The following ANKS1B variants were observed in gnomAD, a reference collection of about 807,000 sequenced individuals.
ANKS1B encodes the protein ankyrin repeat and sterile alpha motif domain containing 1B.
A neutral mutation model predicts 148.3 loss-of-function variants in ANKS1B; 36 were observed. That is an observed-to-expected ratio of 0.24 (90% confidence interval 0.19 to 0.32). The LOEUF (loss-of-function observed/expected upper bound fraction) is 0.32, where lower values mean the gene tolerates loss of function less well. Ranked by LOEUF, ANKS1B falls within the 10% of genes least tolerant of loss-of-function variation. ANKS1B has a pLI of 1.00. For synonymous variants in ANKS1B, 542 were observed against 560.8 expected, an observed-to-expected ratio of 0.97 and a Z score of 0.47; for missense variants, 1,157 against 1,542.6, an observed-to-expected ratio of 0.75 and a Z score of 4.19.
intron 12 of ANKS1B, among the ~76,000 whole-genome samples, chr12:99,359,487 C>T (rs1173294133): frequency 6.6e-6 from 1 of 151,970 alleles, no homozygotes; most frequent in Non-Finnish European, 1.5e-5. Flanking sequence ...ATAAAAAATA[C>T]AGCTTATAAA....
chr12:99,415,806 C>A (rs2152692349), intron 11 of ANKS1B, among the ~76,000 whole-genome samples: 1 of 152,180 alleles, frequency 6.6e-6, no homozygotes, highest in South Asian at 2.1e-4. Context: ...GCCTCAGCCT[C>A]CTAAGTAGCT....
At chr12:98,917,422 C>T (rs1321998467) in intron 17 of ANKS1B, among the ~76,000 whole-genome samples, 1 of 152,158 alleles carries the variant, frequency 6.6e-6, no homozygotes, top group Non-Finnish European at 1.5e-5. Context: ...CCTAACATCT[C>T]ATTGCCTCAA....
intron 2 of ANKS1B, among the ~76,000 whole-genome samples, chr12:99,815,095 G>A (rs2068928361): frequency 1.3e-5 from 2 of 151,626 alleles, no homozygotes; most frequent in Non-Finnish European, 3.0e-5. Flanking sequence ...TTCCTTTCAA[G>A]GGGTAAAGAC....
At chr12:99,920,207 T>G (rs915401621) in intron 1 of ANKS1B, among the ~76,000 whole-genome samples, 4 of 152,096 alleles carry the variant, frequency 2.6e-5, no homozygotes, top group African/African-American at 7.2e-5. Flanking sequence ...AAATAGTCTT[T>G]AAATGATTTA....
intron 9 of ANKS1B, among the ~76,000 whole-genome samples, chr12:99,602,256 G>T (rs2097806673): frequency 6.6e-6 from 1 of 151,970 alleles, no homozygotes; most frequent in Admixed American, 6.6e-5. Context: ...TTGTTGGATT[G>T]TCTCATAAGC....
chr12:99,621,891 T>C (rs1567498854), intron 9 of ANKS1B, among the ~76,000 whole-genome samples: 1 of 151,908 alleles, frequency 6.6e-6, no homozygotes, highest in Non-Finnish European at 1.5e-5. Flanking sequence ...AATTTGACAC[T>C]TGACTAATTG....
At chr12:99,843,051 T>A (rs1180305800) in intron 1 of ANKS1B, among the ~76,000 whole-genome samples, 1 of 152,122 alleles carries the variant, frequency 6.6e-6, no homozygotes, top group Non-Finnish European at 1.5e-5. Context: ...TTTCTTCAGT[T>A]TGTTTGTTTG....
intron 8 of ANKS1B, among the ~76,000 whole-genome samples, chr12:99,718,797 C>T (rs1005022012): frequency 5.3e-5 from 8 of 152,174 alleles, no homozygotes; most frequent in Admixed American, 1.3e-4. Context: ...AGCCTTTCTT[C>T]GCTTTCACTT....
chr12:98,841,289 T>C (rs902761118), intron 17 of ANKS1B, among the ~76,000 whole-genome samples: 1 of 152,180 alleles, frequency 6.6e-6, no homozygotes, highest in Non-Finnish European at 1.5e-5. Context: ...ACACCCATAT[T>C]TGTAAAAGAA....
chr12:98,842,407 G>A (rs1595232505), intron 17 of ANKS1B, among the ~76,000 whole-genome samples: 1 of 152,172 alleles, frequency 6.6e-6, no homozygotes, highest in Non-Finnish European at 1.5e-5. Flanking sequence ...CATATCAGTG[G>A]TTATCTGGAG....
rs374518373 is a variant in ANKS1B, at chr12:99,772,961, A to T, written c.1089T>A (p.Ile363=). The T allele has an allele frequency of 2.2e-5, 36 of 1,611,392 alleles. No homozygotes were observed. Among genetic ancestry groups the T allele is most frequent in the Non-Finnish European group, 3.0e-5 (35 of 1,178,784 alleles). ...CATTTTTCCCAAGTTCTTCCTCTGAAATCTTGCTCAAATTATCTAAGTAGT... is the reference window on the plus strand; with the variant it reads ...CATTTTTCCCAAGTTCTTCCTCTGATATCTTGCTCAAATTATCTAAGTAGT... The part of the protein sequence containing the change: ...SDHYLDNLSK[I]SEEELGKNGS... The change falls in exon 8 of 27, where the codon ATT becomes ATA. Residue 363 remains isoleucine (I), a synonymous_variant. Coordinates refer to ENST00000683438, the MANE Select transcript of ANKS1B (RefSeq NM_001352186.2).
chr12:99,647,895 C>T (rs1049061825), intron 9 of ANKS1B: 12 of 418,362 alleles, frequency 2.9e-5, no homozygotes, highest in African/African-American at 5.9e-5. Flanking sequence ...CCTGTGTGCC[C>T]GGACATCCAC....
chr12:99,086,385 A>G (rs566370641), intron 15 of ANKS1B, among the ~76,000 whole-genome samples: 1 of 152,262 alleles, frequency 6.6e-6, no homozygotes, highest in Non-Finnish European at 1.5e-5. Context: ...TGGAGAGAGG[A>G]GCAAACGGTA....
chr12:98,951,192 T>G (rs540959044), intron 17 of ANKS1B, among the ~76,000 whole-genome samples: 1 of 152,220 alleles, frequency 6.6e-6, no homozygotes, highest in Non-Finnish European at 1.5e-5. Flanking sequence ...CAGCTTTTTA[T>G]CCTGGCCAGT....
intron 17 of ANKS1B, chr12:98,894,566 T>C (rs1457949143): frequency 2.0e-6 from 2 of 984,474 alleles, no homozygotes; most frequent in South Asian, 9.4e-5. Flanking sequence ...CGGCACCACT[T>C]CTTGGAGCCA....
At chr12:98,758,538 T>A (rs1012630033) in intron 25 of ANKS1B, among the ~76,000 whole-genome samples, 2 of 152,148 alleles carry the variant, frequency 1.3e-5, no homozygotes, top group Non-Finnish European at 2.9e-5. Flanking sequence ...GCCGGGGGTG[T>A]ACTTCGTGAC....
chr12:99,472,210 T>C (rs2096252657), intron 10 of ANKS1B, among the ~76,000 whole-genome samples: 1 of 152,100 alleles, frequency 6.6e-6, no homozygotes, highest in Non-Finnish European at 1.5e-5. Context: ...TTTTCCTTTG[T>C]ATGACACTCC....
chr12:99,301,064 C>T (rs998969578), intron 12 of ANKS1B, among the ~76,000 whole-genome samples: 2 of 152,176 alleles, frequency 1.3e-5, no homozygotes, highest in African/African-American at 4.8e-5. Flanking sequence ...GGTGTAAGTC[C>T]GAGAGTCCAA....
At chr12:99,103,918 T>C (rs2058579242) in intron 15 of ANKS1B, among the ~76,000 whole-genome samples, 1 of 152,196 alleles carries the variant, frequency 6.6e-6, no homozygotes, top group Admixed American at 6.5e-5. Context: ...ATATACTTGC[T>C]AGCAATTAGA....
Sources: allele counts gnomAD v4.1 joint callset (sites outside exome capture counted in the v4.1 genomes callset), GRCh38; gene constraint gnomAD v4.1.1; transcripts MANE v1.5; gene names NCBI Gene and HGNC (gene_info 2026-07-23, HGNC 2026-07-21).